Variants in ZNF469 observed in about 807,000 individuals in gnomAD.
The protein encoded by ZNF469 is zinc finger protein 469.
ZNF469 carries 1 observed loss-of-function variant against 1.0 expected under a neutral mutation model. That is an observed-to-expected ratio of 1.00 (90% CI 0.35 to 4.73). The LOEUF (loss-of-function observed/expected upper bound fraction) is 4.73. ZNF469 is among the 30% of genes most tolerant of loss of function. The pLI is 0.16. For missense variants in ZNF469, 6,100 were observed against 5,356.3 expected, an observed-to-expected ratio of 1.14 and a Z score of -4.33; for synonymous variants, 2,703 against 2,363.4, an observed-to-expected ratio of 1.14 and a Z score of -4.17.
chr16:88,156,918 A>T, the ZNF469 span, among the ~76,000 whole-genome samples: 1 of 152,168 alleles, frequency 6.6e-6, no homozygotes, highest in Non-Finnish European at 1.5e-5. Context: ...GTCTTTTCAC[A>T]GAGATGGACG....
At chr16:88,119,682 C>A in the ZNF469 span, among the ~76,000 whole-genome samples, 1 of 152,184 alleles carries the variant, frequency 6.6e-6, no homozygotes, top group Non-Finnish European at 1.5e-5. Flanking sequence ...GGATGCTGGC[C>A]GGCCCAGCTC....
At chr16:88,326,784 G>T in the ZNF469 span, among the ~76,000 whole-genome samples, 1 of 152,170 alleles carries the variant, frequency 6.6e-6, no homozygotes, top group Admixed American at 6.5e-5. Context: ...GCCTTCCCTG[G>T]CCAGGGCAGC....
At chr16:88,196,915 T>C in the ZNF469 span, among the ~76,000 whole-genome samples, 1 of 152,202 alleles carries the variant, frequency 6.6e-6, no homozygotes, top group Non-Finnish European at 1.5e-5. Flanking sequence ...GCGCTGCTTA[T>C]GCCCTTAGGG....
the ZNF469 span, among the ~76,000 whole-genome samples, chr16:88,169,149 G>A: frequency 6.6e-6 from 1 of 152,168 alleles, no homozygotes; most frequent in African/African-American, 2.4e-5. The surrounding 1 kb of genome is among the most constrained non-coding windows in gnomAD (Gnocchi z 6.1). Flanking sequence ...TTGAGGACAG[G>A]GCCCAGCTCA....
chr16:88,123,418 G>A, the ZNF469 span, among the ~76,000 whole-genome samples: 2 of 152,140 alleles, frequency 1.3e-5, no homozygotes, highest in Non-Finnish European at 2.9e-5. Context: ...ATGAAGATTT[G>A]GGCTGTTTTC....
chr16:88,290,573 T>A, the ZNF469 span, among the ~76,000 whole-genome samples: 1 of 152,224 alleles, frequency 6.6e-6, no homozygotes, highest in Non-Finnish European at 1.5e-5. Context: ...TATACAATTC[T>A]ATGTAAATAA....
At chr16:88,326,817 C>T in the ZNF469 span, among the ~76,000 whole-genome samples, 27 of 152,218 alleles carry the variant, frequency 1.8e-4, no homozygotes, top group African/African-American at 6.5e-4. Context: ...CCTGACCCCC[C>T]CGCTCTTTCC....
chr16:88,431,629 C>G lies in ZNF469; in HGVS notation c.4159C>G (p.Pro1387Ala). 1 of 1,550,506 alleles carries G rather than the reference C, an allele frequency of 6.4e-7. No homozygotes were observed. The highest frequency in any genetic ancestry group is 8.7e-7 in the Non-Finnish European group (1 of 1,146,988). Residue 1387 changes from proline to alanine, a missense_variant, in exon 3 of 3, where the codon CCC becomes GCC. Coordinates refer to ENST00000565624, the MANE Select transcript of ZNF469 (RefSeq NM_001367624.2). ...CCCCCACAGTGAGTTGTTCCTCGGA[C>G]CCAAAGACCTGGCTGGCTGTTTCCT... The part of the protein sequence containing the change: ...SSPHSELFLG[P>A]KDLAGCFLEE...
chr16:88,317,946 G>A, the ZNF469 span, among the ~76,000 whole-genome samples: 1 of 152,256 alleles, frequency 6.6e-6, no homozygotes, highest in Non-Finnish European at 1.5e-5. Context: ...ATGGTGGGGT[G>A]AGGTCCCCGT....
chr16:88,206,809 C>T, the ZNF469 span, among the ~76,000 whole-genome samples: 4 of 114,926 alleles, frequency 3.5e-5, no homozygotes, highest in Non-Finnish European at 5.6e-5. Flanking sequence ...GAGGGGAGGC[C>T]GTGGGGACGG....
the ZNF469 span, among the ~76,000 whole-genome samples, chr16:88,138,161 T>A: frequency 6.6e-6 from 1 of 152,226 alleles, no homozygotes; most frequent in Non-Finnish European, 1.5e-5. Flanking sequence ...TGGACTCTTT[T>A]GGCATCCAAG....
rs1164921520 is a variant in ZNF469 at position 88,433,719 on chromosome 16, T to C, written c.6249T>C (p.Thr2083=). Reference sequence around the variant, plus strand: ...GCCGAAGTGGATCTGAGGGCCGGACTCCAGAGAGGGCGTCCAGCCCCGGCC... The same window carrying C: ...GCCGAAGTGGATCTGAGGGCCGGACCCCAGAGAGGGCGTCCAGCCCCGGCC... ...AHSRSGSEGR[T]PERASSPGLN... Residue 2083 remains threonine (T), a synonymous_variant, in exon 3 of 3, where the codon ACT becomes ACC. Coordinates refer to ENST00000565624, the MANE Select transcript of ZNF469 (RefSeq NM_001367624.2). The C allele has an allele frequency of 4.5e-6, 7 of 1,548,788 alleles. No homozygotes were observed. The highest frequency in any genetic ancestry group is 2.0e-5 in the Admixed American group (1 of 50,962).
At chr16:88,292,809 A>AAC in the ZNF469 span, among the ~76,000 whole-genome samples, 2 of 151,384 alleles carry the variant, frequency 1.3e-5, no homozygotes, top group African/African-American at 2.4e-5. Flanking sequence ...AAAAAAAAAA[A>AAC]AAAAAAAAAA....
rs768287765 is a variant in ZNF469 at position 88,431,221 on chromosome 16, G to A, written c.3751G>A (p.Ala1251Thr). The change falls in exon 3 of 3, where the codon GCC (alanine) becomes ACC (threonine). Residue 1251 changes from alanine to threonine, a missense_variant. By Grantham distance (58) the Ala-to-Thr change is moderately conservative. Coordinates refer to ENST00000565624, the MANE Select transcript of ZNF469 (RefSeq NM_001367624.2). ...AGAGGCTTTGCGTTCTCCTCCAGCC[G>A]CCTGTGCGGGAGAAATGGGAGCAAG... The part of the protein sequence containing the change: ...FTEALRSPPA[A>T]CAGEMGASPG... 3.2e-5 allele frequency: 49 copies of A among 1,550,262 alleles called. No individual in the cohort carries two copies. The Admixed American group carries it at 8.2e-4, about 26-fold the overall frequency.
chr16:88,205,481 C>G, the ZNF469 span, among the ~76,000 whole-genome samples: 3 of 152,178 alleles, frequency 2.0e-5, no homozygotes, highest in African/African-American at 7.2e-5. This position sits in a 1 kb window ranked among gnomAD's most constrained non-coding sequence, Gnocchi z 4.2. Context: ...CATTAAGAGC[C>G]TAACATCAAC....
Position 88,429,193 on chromosome 16 carries a change from A to T in ZNF469, c.1723A>T (p.Thr575Ser). ...CCAGCCCCAGGTTTCACCCCACGGG[A>T]CACCCAGCCTGCCCCCACCGAGGGT... ...VAQPQVSPHGTPSLPPPRVVG... is the reference protein window; with the variant it reads ...VAQPQVSPHGSPSLPPPRVVG... The change falls in exon 3 of 3, where the codon ACA becomes TCA. Residue 575 changes from threonine (T) to serine (S), a missense_variant. Thr to Ser is a moderately conservative substitution (Grantham distance 58). Coordinates refer to ENST00000565624, the MANE Select transcript of ZNF469 (RefSeq NM_001367624.2). 3 of 1,549,490 alleles carry T rather than the reference A, an allele frequency of 1.9e-6. No individual in the cohort carries two copies. The highest frequency in any genetic ancestry group is 2.6e-6 in the Non-Finnish European group (3 of 1,146,732).
chr16:88,124,703 G>C, the ZNF469 span, among the ~76,000 whole-genome samples: 1 of 152,146 alleles, frequency 6.6e-6, no homozygotes, highest in South Asian at 2.1e-4. Context: ...TCCTGCCTCA[G>C]TCTCCCGAGT....
At chr16:88,144,773 T>A in the ZNF469 span, among the ~76,000 whole-genome samples, 6 of 152,198 alleles carry the variant, frequency 3.9e-5, no homozygotes, top group Non-Finnish European at 7.4e-5. Context: ...GTAGCTGTTT[T>A]CTCCTTGTTT....
the ZNF469 span, among the ~76,000 whole-genome samples, chr16:88,218,635 T>G: frequency 4.0e-5 from 6 of 149,946 alleles, no homozygotes; most frequent in African/African-American, 1.5e-4. Flanking sequence ...ATAAGAGCTA[T>G]CTATGACAAA....
Sources: allele counts gnomAD v4.1 joint callset (sites outside exome capture counted in the v4.1 genomes callset), GRCh38; gene constraint gnomAD v4.1.1; non-coding constraint Gnocchi (gnomAD v3.1); transcripts MANE v1.5; gene names NCBI Gene and HGNC (gene_info 2026-07-23, HGNC 2026-07-21).